Variants in ANO4 observed in about 807,000 individuals in gnomAD.
ANO4 encodes anoctamin 4.
Under a neutral mutation model 141.9 loss-of-function variants are expected in ANO4, and 69 were observed. The ratio of observed to expected loss-of-function variants is 0.49; its 90% CI spans 0.40 to 0.59. The LOEUF (loss-of-function observed/expected upper bound fraction) is 0.59, where lower values mean the gene tolerates loss of function less well. ANO4 is among the 20% of genes least tolerant of loss of function. ANO4 has a pLI of 0.00. For synonymous variants in ANO4, 350 were observed against 394.3 expected (o/e 0.89, Z 1.33); for missense variants, 894 against 1,162.2 (o/e 0.77, Z 3.36).
intron 1 of ANO4, among the ~76,000 whole-genome samples, chr12:100,818,921 A>G (rs2035875768): frequency 6.6e-6 from 1 of 151,828 alleles, no homozygotes; most frequent in Admixed American, 6.6e-5. Flanking sequence ...TAGTGCTAAA[A>G]CTGAGGATCC....
At chr12:100,790,721 A>G (rs1265776700), upstream of ANO4, among the ~76,000 whole-genome samples, 2 of 152,256 alleles carry the variant, frequency 1.3e-5, no homozygotes, top group Middle Eastern at 3.4e-3. Flanking sequence ...ATGATCCCAT[A>G]GGATTCTTCA....
chr12:101,126,854 G>T, intron 26 of ANO4, 25 bp from the exon 27 acceptor site: 1 of 1,579,466 alleles, frequency 6.3e-7, no homozygotes, highest in Non-Finnish European at 8.6e-7. Context: ...TAGACCTGAC[G>T]CTGTTACATT....
chr12:100,773,877 T>C (rs1045011628), intron 3 of ANO4, among the ~76,000 whole-genome samples: 1 of 152,208 alleles, frequency 6.6e-6, no homozygotes, highest in Non-Finnish European at 1.5e-5. Context: ...CTTGATATGA[T>C]CTAGAAAGGG....
intron 1 of ANO4, among the ~76,000 whole-genome samples, chr12:100,826,972 C>G (rs1565911455): frequency 1.3e-5 from 2 of 152,032 alleles, no homozygotes; most frequent in Non-Finnish European, 2.9e-5. Flanking sequence ...TCATCTCTCC[C>G]TGTAATGGAC....
rs184485429 is a variant in ANO4, at chr12:100,887,836, T to C, written c.-140-13810T>C. ...TCTATCTAGTTCACATCCTTAAATATCACTTGGGAGAATTTCCTGTTGTGA... is the reference window on the plus strand; with the variant it reads ...TCTATCTAGTTCACATCCTTAAATACCACTTGGGAGAATTTCCTGTTGTGA... On this transcript the variant is annotated intron_variant, in intron 1 of 27. Transcript: ENST00000392977. 4.6e-5 allele frequency among the ~76,000 whole-genome samples: 7 copies of C among 152,354 alleles called. No homozygotes were observed. In the Middle Eastern group the frequency reaches 0.01, roughly 222 times the overall value.
chr12:100,749,264 G>A (rs1432070372), intron 3 of ANO4, among the ~76,000 whole-genome samples: 1 of 152,146 alleles, frequency 6.6e-6, no homozygotes, highest in African/African-American at 2.4e-5. Context: ...CTTCCATGGT[G>A]CATTCCATGT....
chr12:101,092,947 T>C (rs755014955), intron 17 of ANO4, among the ~76,000 whole-genome samples: 2 of 152,208 alleles, frequency 1.3e-5, no homozygotes, highest in Non-Finnish European at 2.9e-5. Context: ...TAAATAATTG[T>C]AATGTTATAA....
intron 7 of ANO4, among the ~76,000 whole-genome samples, chr12:100,984,238 A>G (rs577376995): frequency 6.6e-6 from 1 of 152,330 alleles, no homozygotes. Flanking sequence ...CTGGGATTAC[A>G]GGTGCACACC....
intron 4 of ANO4, among the ~76,000 whole-genome samples, chr12:100,940,316 A>T (rs977083491): frequency 6.6e-6 from 1 of 152,066 alleles, no homozygotes; most frequent in African/African-American, 2.4e-5. Context: ...GGGACCTCAG[A>T]CAGCAACTTG....
At chr12:100,988,545 A>T (rs1364609232) in intron 8 of ANO4, among the ~76,000 whole-genome samples, 2 of 90,674 alleles carry the variant, frequency 2.2e-5, no homozygotes, top group Admixed American at 9.4e-5. Context: ...TGATGGATTT[A>T]AAAAAAAAAA....
chr12:100,755,584 T>C (rs1314948631), intron 3 of ANO4, among the ~76,000 whole-genome samples: 1 of 152,242 alleles, frequency 6.6e-6, no homozygotes, highest in Non-Finnish European at 1.5e-5. Flanking sequence ...AAGCTAATGC[T>C]GTGTCCCTAA....
At chr12:100,945,653 A>G (rs965142375) in intron 5 of ANO4, among the ~76,000 whole-genome samples, 5 of 152,244 alleles carry the variant, frequency 3.3e-5, no homozygotes, top group African/African-American at 9.6e-5. Flanking sequence ...TTTCTTTTGT[A>G]TAACTAGTAA....
intron 1 of ANO4, among the ~76,000 whole-genome samples, chr12:100,797,767 A>G (rs2034424561): frequency 6.6e-6 from 1 of 152,120 alleles, no homozygotes; most frequent in Non-Finnish European, 1.5e-5. Flanking sequence ...CTCCCTTTTA[A>G]AGTCCTCTTG....
At chr12:100,733,924 G>C (rs887315518) in intron 2 of ANO4, 17 of 654,462 alleles carry the variant, frequency 2.6e-5, no homozygotes, top group East Asian at 2.0e-4. Context: ...GGAGGTCAAG[G>C]GGGTGGCTGG....
intron 13 of ANO4, among the ~76,000 whole-genome samples, chr12:101,045,317 G>C (rs1165795206): frequency 6.6e-6 from 1 of 152,200 alleles, no homozygotes; most frequent in Non-Finnish European, 1.5e-5. Flanking sequence ...GCAATAAGTA[G>C]CTGGGCCTTG....
chr12:100,956,655 ACT>A (rs1370679961), intron 5 of ANO4, among the ~76,000 whole-genome samples: 2 of 152,154 alleles, frequency 1.3e-5, no homozygotes, highest in African/African-American at 2.4e-5. Flanking sequence ...AGTTTCTCAG[ACT>A]CTAATAAGAA....
intron 23 of ANO4, 65 bp from the exon 24 acceptor site, chr12:101,111,498 C>T: frequency 7.2e-7 from 1 of 1,386,784 alleles, no homozygotes; most frequent in South Asian, 1.6e-5. Context: ...AAATTAATTC[C>T]ATTTTTTCAT....
intron 1 of ANO4, among the ~76,000 whole-genome samples, chr12:100,717,727 G>C (rs2030668732): frequency 6.6e-6 from 1 of 152,270 alleles, no homozygotes; most frequent in Non-Finnish European, 1.5e-5. Flanking sequence ...TTCGGGCCGC[G>C]GGTAACCCGG....
chr12:100,922,894 T>A (rs1048858777), intron 3 of ANO4, among the ~76,000 whole-genome samples: 2 of 152,132 alleles, frequency 1.3e-5, no homozygotes, highest in African/African-American at 4.8e-5. Flanking sequence ...CAGAATTTTA[T>A]CAGAATCAAC....
Sources: gnomAD v4.1 joint callset for allele counts (sites outside exome capture counted in the v4.1 genomes callset) on GRCh38, gnomAD v4.1.1 for gene constraint, MANE v1.5 for transcripts, NCBI Gene and HGNC (gene_info 2026-07-23, HGNC 2026-07-21) for gene names.